ATG10: variants seen among roughly 807,000 people sequenced by gnomAD.
ATG10 encodes autophagy related 10.
Under a neutral mutation model 32.1 loss-of-function variants are expected in ATG10, and 30 were observed. That is an observed-to-expected ratio of 0.94 (90% CI 0.70 to 1.27). ATG10 has a LOEUF of 1.27. Ranked by LOEUF, ATG10 falls within the 50% of genes most tolerant of loss-of-function variation. The pLI is 0.00. For missense variants in ATG10, 233 were observed against 262.3 expected, an observed-to-expected ratio of 0.89 and a Z score of 0.77; for synonymous variants, 87 against 91.5, an observed-to-expected ratio of 0.95 and a Z score of 0.28.
chr5:82,045,283 G>A (rs962161326), intron 2 of ATG10, among the ~76,000 whole-genome samples: 29 of 152,140 alleles, frequency 1.9e-4, no homozygotes, highest in Admixed American at 1.9e-3. Flanking sequence ...CCCCATTTAT[G>A]TGATGTGTAA....
chr5:82,105,605 A>G (rs1006363017), intron 3 of ATG10, among the ~76,000 whole-genome samples: 5 of 152,158 alleles, frequency 3.3e-5, no homozygotes, highest in Non-Finnish European at 7.4e-5. Context: ...GAAGCTCAGC[A>G]TTTTAGAGGT....
At chr5:82,097,222 A>C (rs2149798758) in intron 3 of ATG10, among the ~76,000 whole-genome samples, 1 of 152,318 alleles carries the variant, frequency 6.6e-6, no homozygotes, top group Non-Finnish European at 1.5e-5. Flanking sequence ...GACCTTTATT[A>C]AAAATTAAAT....
At chr5:82,181,477 C>T (rs1192102151) in intron 5 of ATG10, among the ~76,000 whole-genome samples, 1 of 151,990 alleles carries the variant, frequency 6.6e-6, no homozygotes, top group African/African-American at 2.4e-5. Context: ...TGCTTGAGAT[C>T]TTTGGGAGAA....
intron 2 of ATG10, among the ~76,000 whole-genome samples, chr5:82,026,181 T>C (rs1762589548): frequency 6.6e-6 from 1 of 152,182 alleles, no homozygotes; most frequent in Non-Finnish European, 1.5e-5. Context: ...CCATTCTACT[T>C]TATGTCTCTG....
At chr5:82,223,344 CTGCACACTTGTGGCTCATAGT>C (rs1745999413) in intron 5 of ATG10, among the ~76,000 whole-genome samples, 1 of 152,200 alleles carries the variant, frequency 6.6e-6, no homozygotes, top group South Asian at 2.1e-4. Flanking sequence ...ATGCCAATGT[CTGCACACTTGTGGCTCATAGT>C]CACAATGATG....
intron 3 of ATG10, among the ~76,000 whole-genome samples, chr5:82,084,665 G>A (rs909231375): frequency 6.6e-6 from 1 of 152,166 alleles, no homozygotes; most frequent in Admixed American, 6.5e-5. Flanking sequence ...AGAAGAGAGT[G>A]GGGGACGGTA....
Position 81,982,748 on chromosome 5 carries a change from A to G in ATG10, c.-12-4811A>G, listed in dbSNP as rs1261419167. Among the ~76,000 whole-genome samples the G allele has an allele frequency of 2.0e-5, 3 of 152,152 alleles. No individual in the cohort carries two copies. The South Asian group carries it at 6.2e-4, about 32-fold the overall frequency. On this transcript the variant is annotated intron_variant, in intron 1 of 7. Transcript: ENST00000282185. ...TTTGTGTCCCTGATTACTTGAGATT[A>G]GGGAGTGGTGATGACTCTTAATGAG...
intron 3 of ATG10, among the ~76,000 whole-genome samples, chr5:82,060,768 G>T (rs1481732579): frequency 1.3e-5 from 2 of 151,990 alleles, no homozygotes; most frequent in Non-Finnish European, 2.9e-5. Flanking sequence ...GGGAGGCTGA[G>T]ACAGGAGAAT....
At chr5:82,183,993 G>A (rs1744350411) in intron 5 of ATG10, among the ~76,000 whole-genome samples, 1 of 152,182 alleles carries the variant, frequency 6.6e-6, no homozygotes, top group African/African-American at 2.4e-5. Context: ...AACCCATGTG[G>A]CTTTGATGGC....
intron 5 of ATG10, 26 bp downstream of exon 5, chr5:82,178,613 T>A (rs771950536): frequency 4.2e-6 from 6 of 1,415,022 alleles, no homozygotes; most frequent in Admixed American, 1.7e-5. Flanking sequence ...CATTTTATTG[T>A]ATGCATGTTA....
chr5:82,018,998 T>A (rs1010544260), intron 2 of ATG10, among the ~76,000 whole-genome samples: 2 of 152,194 alleles, frequency 1.3e-5, no homozygotes, highest in African/African-American at 4.8e-5. Flanking sequence ...TTTGTTGATA[T>A]GCCCAAAGCA....
chr5:82,089,628 T>C (rs533931334), intron 3 of ATG10, among the ~76,000 whole-genome samples: 27 of 152,110 alleles, frequency 1.8e-4, no homozygotes, highest in African/African-American at 6.3e-4. Context: ...AAAGGTAAAA[T>C]ATAAAACTGT....
At chr5:82,016,592 A>G (rs973913849) in intron 2 of ATG10, among the ~76,000 whole-genome samples, 3 of 151,264 alleles carry the variant, frequency 2.0e-5, no homozygotes, top group African/African-American at 7.3e-5. Flanking sequence ...GAATTTTAGG[A>G]TTGTTATTTT....
intron 5 of ATG10, among the ~76,000 whole-genome samples, chr5:82,213,019 T>C (rs969942110): frequency 1.3e-5 from 2 of 152,318 alleles, no homozygotes; most frequent in East Asian, 3.9e-4. Flanking sequence ...GTAGTCCAAA[T>C]AGGATTGATT....
At chr5:82,037,735 G>A (rs1482516845) in intron 2 of ATG10, among the ~76,000 whole-genome samples, 3 of 152,062 alleles carry the variant, frequency 2.0e-5, no homozygotes, top group South Asian at 2.1e-4. Flanking sequence ...GAGATTGAGT[G>A]TTGAATTCTA....
At chr5:82,197,724 A>T (rs561216742) in intron 5 of ATG10, among the ~76,000 whole-genome samples, 897 of 52,720 alleles carry the variant, frequency 0.017, 3 homozygotes, top group Middle Eastern at 0.042. Flanking sequence ...CTTTCTTTCT[A>T]TCTATCTATC....
chr5:82,041,424 T>C (rs1323347925), intron 2 of ATG10, among the ~76,000 whole-genome samples: 1 of 152,194 alleles, frequency 6.6e-6, no homozygotes, highest in East Asian at 1.9e-4. Context: ...GTTTTTGAGA[T>C]ATTTGTGACA....
intron 3 of ATG10, among the ~76,000 whole-genome samples, chr5:82,164,166 C>T (rs1367807707): frequency 6.6e-6 from 1 of 152,040 alleles, no homozygotes; most frequent in East Asian, 1.9e-4. Context: ...TCCAGAGCCT[C>T]TTTGTGTCTC....
intron 2 of ATG10, among the ~76,000 whole-genome samples, chr5:82,037,191 A>G (rs112108448): frequency 3.6e-4 from 53 of 147,206 alleles, no homozygotes; most frequent in African/African-American, 1.2e-3. Flanking sequence ...AGGTGAATAA[A>G]TCATCTGCAG....
Sources: gnomAD v4.1 joint callset for allele counts (sites outside exome capture counted in the v4.1 genomes callset) on GRCh38, gnomAD v4.1.1 for gene constraint, MANE v1.5 for transcripts, NCBI Gene and HGNC (gene_info 2026-07-23, HGNC 2026-07-21) for gene names.